Variants in PTPRQ observed in about 807,000 individuals in gnomAD.
The protein encoded by PTPRQ is phosphatidylinositol phosphatase PTPRQ.
A neutral mutation model predicts 246.0 loss-of-function variants in PTPRQ; 199 were observed. The observed-to-expected ratio is 0.81, with a 90% CI of 0.72 to 0.91. PTPRQ has a LOEUF of 0.91. PTPRQ is among the 40% of genes least tolerant of loss of function. The pLI, the probability that PTPRQ is intolerant of heterozygous loss-of-function variation, is 0.00. For synonymous variants in PTPRQ, 869 were observed against 853.2 expected, an observed-to-expected ratio of 1.02 and a Z score of -0.32; for missense variants, 2,624 against 2,528.4, an observed-to-expected ratio of 1.04 and a Z score of -0.81.
intron 17 of PTPRQ, among the ~76,000 whole-genome samples, chr12:80,522,824 C>CT (rs1176313764): frequency 2.6e-5 from 4 of 151,988 alleles, no homozygotes; most frequent in East Asian, 1.9e-4. Context: ...GTAAAATTCT[C>CT]TTTTTTTGTT....
chr12:80,532,597 G>A (rs757165784), intron 17 of PTPRQ, among the ~76,000 whole-genome samples: 37 of 152,128 alleles, frequency 2.4e-4, no homozygotes, highest in Non-Finnish European at 4.7e-4. Flanking sequence ...AATGATAAGA[G>A]TATGGAATTA....
chr12:80,511,046 C>T (rs754899997), intron 17 of PTPRQ, among the ~76,000 whole-genome samples: 9 of 151,988 alleles, frequency 5.9e-5, no homozygotes, highest in Non-Finnish European at 7.4e-5. Flanking sequence ...AATGTAAATC[C>T]TCTTTAGATT....
intron 25 of PTPRQ, among the ~76,000 whole-genome samples, chr12:80,558,189 A>G (rs1482055438): frequency 1.6e-5 from 1 of 61,416 alleles, no homozygotes; most frequent in African/African-American, 7.0e-5. Context: ...TTTCTTTTTG[A>G]AACAGTCTTG....
intron 17 of PTPRQ, among the ~76,000 whole-genome samples, chr12:80,523,665 T>C (rs1815790534): frequency 6.6e-6 from 1 of 152,218 alleles, no homozygotes; most frequent in African/African-American, 2.4e-5. Flanking sequence ...TTCCACGTAG[T>C]TGAGCAGTTT....
At chr12:80,670,528 T>G (rs1266995931) in intron 42 of PTPRQ, 36 bp downstream of exon 42, 1 of 1,439,020 alleles carries the variant, frequency 6.9e-7, no homozygotes, top group African/African-American at 1.5e-5. Context: ...TTGAACCCAT[T>G]GGTCTTTTTA....
chr12:80,536,584 A>C (rs1312665161), intron 19 of PTPRQ, among the ~76,000 whole-genome samples: 10 of 136,478 alleles, frequency 7.3e-5, no homozygotes, highest in Admixed American at 7.2e-4. Flanking sequence ...AATGAAAGAC[A>C]TGTAGATATA....
In PTPRQ at chr12:80,588,443, C is replaced by T. The variant is rs1332197593; in HGVS notation, c.4600C>T (p.Leu1534=). The T allele has an allele frequency of 7.4e-6, 11 of 1,481,520 alleles. No homozygotes were observed. In the East Asian group the frequency reaches 2.7e-4, roughly 37 times the overall value. 91.8% of individuals were successfully genotyped at this position (1,481,520 alleles called of 1,614,324 possible). The change falls in exon 26 of 45, where the codon CTG becomes TTG. Residue 1534 remains leucine (L), a synonymous_variant. Coordinates refer to ENST00000644991, the MANE Select transcript of PTPRQ (RefSeq NM_001145026.2). ...NASNWISTKT[L]PGPPDGPPEN... is the part of the protein sequence containing the mutation. ...TTCAAACTGGATTTCTACAAAAACT[C>T]TGCCTGGCCGTGAGTATTGTCCTGA...
chr12:80,505,062 G>A (rs542703302), intron 14 of PTPRQ, among the ~76,000 whole-genome samples: 1 of 151,888 alleles, frequency 6.6e-6, no homozygotes, highest in African/African-American at 2.4e-5. Flanking sequence ...ATTCTTTGGG[G>A]GTTTCAGGTC....
chr12:80,579,879 T>A (rs909003408), intron 25 of PTPRQ, among the ~76,000 whole-genome samples: 13 of 152,186 alleles, frequency 8.5e-5, no homozygotes, highest in Non-Finnish European at 4.4e-5. Flanking sequence ...GATAATTTTG[T>A]ATGTTTTATA....
At chr12:80,590,694 A>G (rs990965189) in intron 26 of PTPRQ, among the ~76,000 whole-genome samples, 1 of 147,770 alleles carries the variant, frequency 6.8e-6, no homozygotes, top group Non-Finnish European at 1.5e-5. Context: ...AAAAAAAACT[A>G]TCCAATGTAC....
chr12:80,596,418 ACT>A (rs1897971693), intron 26 of PTPRQ, among the ~76,000 whole-genome samples: 1 of 151,794 alleles, frequency 6.6e-6, no homozygotes, highest in South Asian at 2.1e-4. Context: ...AAAGATTATC[ACT>A]GTTTTTTTTT....
chr12:80,564,461 T>C (rs1592660387), intron 25 of PTPRQ, among the ~76,000 whole-genome samples: 1 of 152,302 alleles, frequency 6.6e-6, no homozygotes, highest in Non-Finnish European at 1.5e-5. Context: ...TCATCTTCCT[T>C]GAAGCAGAAG....
intron 14 of PTPRQ, 142 bp from the exon 15 acceptor site, chr12:80,505,882 T>C: frequency 2.0e-6 from 2 of 987,126 alleles, no homozygotes; most frequent in African/African-American, 1.7e-5. Context: ...ATTTATACTT[T>C]ACTTCATTCA....
intron 35 of PTPRQ, among the ~76,000 whole-genome samples, chr12:80,647,457 A>G (rs1436863183): frequency 6.6e-6 from 1 of 152,142 alleles, no homozygotes; most frequent in Non-Finnish European, 1.5e-5. Context: ...GCAACAAGTT[A>G]TCTTAAGGGA....
chr12:80,644,503 G>A (rs1361228376), intron 35 of PTPRQ, among the ~76,000 whole-genome samples: 6 of 151,910 alleles, frequency 3.9e-5, no homozygotes, highest in African/African-American at 1.2e-4. Context: ...TTAATAAAAA[G>A]TTTTCTATTT....
chr12:80,643,866 TTAATC>T (rs1899979198), intron 35 of PTPRQ, among the ~76,000 whole-genome samples: 1 of 152,174 alleles, frequency 6.6e-6, no homozygotes, highest in Admixed American at 6.5e-5. Context: ...CTTCACAAAT[TTAATC>T]TAAGTAGCAA....
At chr12:80,517,692 T>C (rs1250340069) in intron 17 of PTPRQ, among the ~76,000 whole-genome samples, 1 of 151,582 alleles carries the variant, frequency 6.6e-6, no homozygotes, top group Non-Finnish European at 1.5e-5. Flanking sequence ...ATGCTTCTAC[T>C]CTCTATCTCT....
chr12:80,573,739 C>CT (rs1288451782), intron 25 of PTPRQ, among the ~76,000 whole-genome samples: 1 of 152,014 alleles, frequency 6.6e-6, no homozygotes, highest in Non-Finnish European at 1.5e-5. Flanking sequence ...TGTTTACTTT[C>CT]TTTTTATACA....
chr12:80,607,698 T>C (rs1156590410), intron 27 of PTPRQ, among the ~76,000 whole-genome samples: 1 of 150,918 alleles, frequency 6.6e-6, no homozygotes, highest in Non-Finnish European at 1.5e-5. Flanking sequence ...GTGCAGCCTG[T>C]CTTCTACAAA....
Sources: gnomAD v4.1 joint callset for allele counts (sites outside exome capture counted in the v4.1 genomes callset) on GRCh38, gnomAD v4.1.1 for gene constraint, MANE v1.5 for transcripts, NCBI Gene and HGNC (gene_info 2026-07-23, HGNC 2026-07-21) for gene names.